The following AOPEP variants were observed in gnomAD, a reference collection of about 807,000 sequenced individuals.
AOPEP encodes aminopeptidase O (putative).
In AOPEP, 77 loss-of-function variants were observed where a neutral mutation model predicts 98.1. The observed-to-expected ratio is 0.78, with a 90% CI of 0.65 to 0.95. The LOEUF (loss-of-function observed/expected upper bound fraction) is 0.95, where lower values mean the gene tolerates loss of function less well. AOPEP is among the 40% of genes least tolerant of loss of function. The pLI, the probability that AOPEP is intolerant of heterozygous loss-of-function variation, is 0.00. For missense variants in AOPEP, 1,024 were observed against 1,024.7 expected (o/e 1.00, Z 0.01); for synonymous variants, 346 against 365.3 (o/e 0.95, Z 0.60).
chr9:95,110,143 G>C, the AOPEP span: 10 of 615,116 alleles, frequency 1.6e-5, no homozygotes, highest in Non-Finnish European at 1.8e-5. Context: ...CCCTGAGGGA[G>C]AACTACGCAA....
chr9:94,986,355 T>C (rs531849100), intron 11 of AOPEP, among the ~76,000 whole-genome samples: 66 of 152,360 alleles, frequency 4.3e-4, no homozygotes, highest in African/African-American at 1.4e-3. Context: ...TACAGTTGCA[T>C]TGTGAGTTGT....
chr9:94,994,925 C>T (rs1251658927), intron 11 of AOPEP, among the ~76,000 whole-genome samples: 14 of 152,046 alleles, frequency 9.2e-5, no homozygotes, highest in African/African-American at 2.2e-4. Context: ...CACTCTATCC[C>T]GGGCAACAGA....
intron 5 of AOPEP, among the ~76,000 whole-genome samples, chr9:94,852,051 C>CA (rs1346212578): frequency 2.6e-5 from 4 of 152,022 alleles, no homozygotes; most frequent in Non-Finnish European, 5.9e-5. Context: ...AAGCTTGTCA[C>CA]AGTAGCCCTG....
chr9:94,965,847 C>A, intron 9 of AOPEP, among the ~76,000 whole-genome samples: 9 of 145,288 alleles, frequency 6.2e-5, no homozygotes, highest in African/African-American at 2.3e-4. Flanking sequence ...CTGCAGTTCG[C>A]TGGGTGTCAT....
chr9:94,806,000 CTTTG>C (rs1308756051), intron 5 of AOPEP, among the ~76,000 whole-genome samples: 1 of 152,158 alleles, frequency 6.6e-6, no homozygotes, highest in Non-Finnish European at 1.5e-5. Flanking sequence ...GAGAATTTTT[CTTTG>C]TTTGTTCTTT....
intron 13 of AOPEP, among the ~76,000 whole-genome samples, chr9:95,033,125 T>C (rs1408990540): frequency 6.6e-6 from 1 of 152,198 alleles, no homozygotes; most frequent in Non-Finnish European, 1.5e-5. Context: ...CTATGTGCTG[T>C]TAATCTCGGA....
At chr9:94,789,204 A>G (rs1380828140) in intron 3 of AOPEP, among the ~76,000 whole-genome samples, 2 of 152,112 alleles carry the variant, frequency 1.3e-5, no homozygotes, top group Admixed American at 6.5e-5. Flanking sequence ...TTGTTGGTTC[A>G]TGTCTTTAGA....
At chr9:94,928,695 A>G (rs1283186371) in intron 7 of AOPEP, 164 bp downstream of exon 7, 11 of 551,978 alleles carry the variant, frequency 2.0e-5, no homozygotes, top group Non-Finnish European at 3.5e-5. Flanking sequence ...CTTTCAGGGC[A>G]TGCGTTTCGA....
At chr9:94,752,447 A>G (rs1055511278) in intron 1 of AOPEP, among the ~76,000 whole-genome samples, 1 of 152,166 alleles carries the variant, frequency 6.6e-6, no homozygotes, top group Admixed American at 6.5e-5. Context: ...TGCTAATAAC[A>G]AAATTCTTTC....
At chr9:95,139,165 A>G in the AOPEP span, among the ~76,000 whole-genome samples, 1 of 152,208 alleles carries the variant, frequency 6.6e-6, no homozygotes, top group Admixed American at 6.5e-5. Flanking sequence ...ATCACAGAAA[A>G]AGAACTGCAA....
intron 13 of AOPEP, among the ~76,000 whole-genome samples, chr9:95,029,389 G>A (rs759172255): frequency 1.3e-5 from 2 of 152,136 alleles, no homozygotes; most frequent in Non-Finnish European, 2.9e-5. Flanking sequence ...GCCATGCCCT[G>A]TAAACCGGTG....
At chr9:94,902,961 G>A (rs2050610292) in intron 5 of AOPEP, among the ~76,000 whole-genome samples, 1 of 144,278 alleles carries the variant, frequency 6.9e-6, no homozygotes. Context: ...GACTGAGGCA[G>A]GAGAATCTCT....
chr9:94,833,448 G>A (rs1349700942), intron 5 of AOPEP, among the ~76,000 whole-genome samples: 1 of 151,866 alleles, frequency 6.6e-6, no homozygotes, highest in Non-Finnish European at 1.5e-5. Context: ...TGTTGGTCAG[G>A]CTGGTCTTGA....
intron 14 of AOPEP, among the ~76,000 whole-genome samples, chr9:95,063,390 C>T (rs1212535243): frequency 6.6e-6 from 1 of 152,196 alleles, no homozygotes; most frequent in Admixed American, 6.5e-5. Flanking sequence ...AAGTCCATGA[C>T]TGACCTTCAG....
At chr9:95,119,203 A>G in the AOPEP span, among the ~76,000 whole-genome samples, 39 of 152,348 alleles carry the variant, frequency 2.6e-4, no homozygotes, top group African/African-American at 9.1e-4. Context: ...CTTTTTTGAA[A>G]GTATATATTC....
intron 5 of AOPEP, among the ~76,000 whole-genome samples, chr9:94,916,038 C>T (rs557732854): frequency 3.3e-5 from 5 of 152,344 alleles, no homozygotes; most frequent in South Asian, 2.1e-4. Context: ...CACCGCCACA[C>T]GGGACAGACT....
intron 5 of AOPEP, among the ~76,000 whole-genome samples, chr9:94,871,109 G>A (rs4744389): frequency 0.85 from 129,405 of 152,238 alleles, 56,703 homozygotes; most frequent in Non-Finnish European, 0.95. Flanking sequence ...AGCCTGGAGG[G>A]CATTCTGATG....
At chr9:94,935,911 C>T (rs1158347248) in intron 7 of AOPEP, among the ~76,000 whole-genome samples, 1 of 152,190 alleles carries the variant, frequency 6.6e-6, no homozygotes, top group Non-Finnish European at 1.5e-5. Context: ...TTGTACTCAT[C>T]GCTGGTGGCA....
At chr9:94,746,426 G>T (rs1834497111) in intron 1 of AOPEP, among the ~76,000 whole-genome samples, 1 of 152,032 alleles carries the variant, frequency 6.6e-6, no homozygotes, top group Non-Finnish European at 1.5e-5. Context: ...CCCCTAGGCA[G>T]GTATAACCTC....
Sources: allele counts gnomAD v4.1 joint callset (sites outside exome capture counted in the v4.1 genomes callset), GRCh38; gene constraint gnomAD v4.1.1; transcripts MANE v1.5; gene names NCBI Gene and HGNC (gene_info 2026-07-23, HGNC 2026-07-21).